Variants in OSGIN2 observed in about 807,000 individuals in gnomAD.
OSGIN2 encodes oxidative stress induced growth inhibitor family member 2, also known as oxidative stress-induced growth inhibitor 2.
A neutral mutation model predicts 53.8 loss-of-function variants in OSGIN2; 19 were observed. The ratio of observed to expected loss-of-function variants is 0.35; its 90% confidence interval spans 0.25 to 0.52. The LOEUF (loss-of-function observed/expected upper bound fraction) is 0.52. Ranked by LOEUF, OSGIN2 falls within the 20% of genes least tolerant of loss-of-function variation. The pLI is 0.95. For synonymous variants in OSGIN2, 236 were observed against 236.0 expected, an observed-to-expected ratio of 1.00 and a Z score of 0.00; for missense variants, 520 against 662.7, an observed-to-expected ratio of 0.78 and a Z score of 2.36.
chr8:89,902,769 T>G lies in OSGIN2; in HGVS notation c.-25T>G. 3.3e-6 allele frequency: 4 copies of G among 1,225,490 alleles called. No homozygotes were observed. Among genetic ancestry groups the G allele is most frequent in the East Asian group, 3.3e-5 (1 of 30,414 alleles). The allele number at this position is 1,225,490 out of a possible 1,614,324, so 75.9% of individuals were successfully genotyped here. A position where few individuals can be genotyped will look rare whatever the true frequency, so the allele number is the denominator to read the frequency against. On this transcript the variant is annotated 5_prime_UTR_variant, in exon 1 of 6. Transcript: ENST00000451899. ...GCGGAGGCGGCCACGGCGGCCGCGC[T>G]CGGGCGCCCCTCGCGCAGCGCTCCA... is the stretch of plus-strand genomic sequence containing the variant.
chr8:89,913,208 T>A (rs979621222), intron 2 of OSGIN2, among the ~76,000 whole-genome samples: 2 of 152,220 alleles, frequency 1.3e-5, no homozygotes, highest in Non-Finnish European at 2.9e-5. Flanking sequence ...TGGCCTTTCA[T>A]TAGTTTTAGA....
intron 4 of OSGIN2, among the ~76,000 whole-genome samples, chr8:89,915,429 A>G (rs1809057185): frequency 1.3e-5 from 2 of 152,164 alleles, no homozygotes; most frequent in African/African-American, 2.4e-5. Flanking sequence ...CCCATCTCCA[A>G]AAGCATCACA....
chr8:89,914,293 G>A, intron 3 of OSGIN2, 80 bp downstream of exon 3: 1 of 1,006,886 alleles, frequency 9.9e-7, no homozygotes, highest in Non-Finnish European at 1.5e-6. Context: ...AACTTTCTTA[G>A]TTGAAACCCC....
At chr8:89,916,489 T>G (rs536145842) in intron 4 of OSGIN2, among the ~76,000 whole-genome samples, 12 of 152,336 alleles carry the variant, frequency 7.9e-5, no homozygotes, top group South Asian at 4.1e-4. Context: ...ATTCCATATC[T>G]TAATCTTACT....
chr8:89,914,416 T>A, intron 3 of OSGIN2, 139 bp from the exon 4 acceptor site: 1 of 712,096 alleles, frequency 1.4e-6, no homozygotes, highest in Non-Finnish European at 2.3e-6. Flanking sequence ...AATTATTTTC[T>A]AATGGAGATT....
At chr8:89,924,412 A>G (rs1809270841) in intron 5 of OSGIN2, 91 bp from the exon 6 acceptor site, 4 of 892,554 alleles carry the variant, frequency 4.5e-6, no homozygotes, top group Non-Finnish European at 7.0e-6. Flanking sequence ...GCAGAATTAA[A>G]AAGCTATAAA....
rs1254556508 is a variant in OSGIN2 at position 89,925,852 on chromosome 8, G to A, written c.*320G>A. 3 of 252,052 alleles carry A rather than the reference G, an allele frequency of 1.2e-5. No individual in the cohort carries two copies. Among genetic ancestry groups the A allele is most frequent in the Non-Finnish European group, 1.6e-5 (2 of 128,886 alleles). The allele number at this position is 252,052 out of a possible 1,614,324, so 15.6% of individuals were successfully genotyped here. A position where few individuals can be genotyped will look rare whatever the true frequency, so the allele number is the denominator to read the frequency against. On this transcript the variant is annotated 3_prime_UTR_variant, in exon 6 of 6. Transcript: ENST00000451899. The stretch of plus-strand genomic sequence containing the variant: ...ATTTATTATACTTGATTCCAAAATA[G>A]TACAGCCTTGAATCTATAAAACTGT...
intron 4 of OSGIN2, among the ~76,000 whole-genome samples, chr8:89,917,820 A>C (rs1304466110): frequency 1.3e-5 from 2 of 152,144 alleles, no homozygotes; most frequent in African/African-American, 4.8e-5. Flanking sequence ...ATTACTACTA[A>C]GGCTCACCTT....
At chr8:89,909,963 C>T (rs1370665476) in intron 2 of OSGIN2, among the ~76,000 whole-genome samples, 1 of 152,084 alleles carries the variant, frequency 6.6e-6, no homozygotes, top group Non-Finnish European at 1.5e-5. Flanking sequence ...TAAAATATCT[C>T]CTACATTTGT....
intron 5 of OSGIN2, among the ~76,000 whole-genome samples, chr8:89,922,762 G>A (rs1056061238): frequency 1.3e-5 from 2 of 152,090 alleles, no homozygotes; most frequent in Non-Finnish European, 2.9e-5. Flanking sequence ...GAATTGTGTC[G>A]TTAGGTGATT....
chr8:89,920,575 T>A (rs1183069223), intron 4 of OSGIN2, among the ~76,000 whole-genome samples: 4 of 152,212 alleles, frequency 2.6e-5, no homozygotes, highest in Non-Finnish European at 5.9e-5. Flanking sequence ...GATGCTGCTG[T>A]ATCCACATCA....
rs545332359 is a variant in OSGIN2, at chr8:89,917,615, G to C, written c.528+2869G>C. Among the ~76,000 whole-genome samples, 63 of 152,128 alleles carry C rather than the reference G, an allele frequency of 4.1e-4. 1 individual carries two copies. In the South Asian group the frequency reaches 0.013, roughly 31 times the overall value. ...GGGCCAAAACACTACTATAACCTTT[G>C]ATATTTCCTTATTAACTTCTTTTCA... On this transcript the variant is annotated intron_variant, in intron 4 of 5. Transcript: ENST00000451899.
At chr8:89,920,281 C>T (rs1258420916) in intron 4 of OSGIN2, among the ~76,000 whole-genome samples, 1 of 151,766 alleles carries the variant, frequency 6.6e-6, no homozygotes, top group Non-Finnish European at 1.5e-5. Flanking sequence ...AGTAAGTACT[C>T]TGTGAAAGTC....
chr8:89,902,967 G>A, intron 1 of OSGIN2, 130 bp downstream of exon 1: 1 of 446,166 alleles, frequency 2.2e-6, no homozygotes, highest in East Asian at 4.6e-5. Flanking sequence ...CGCCTCGGCC[G>A]TCCTGCCTGG....
intron 1 of OSGIN2, 43 bp downstream of exon 1, chr8:89,902,880 C>T (rs1420258883): frequency 7.6e-7 from 1 of 1,313,594 alleles, no homozygotes; most frequent in East Asian, 3.1e-5. Flanking sequence ...GGCGGGGATG[C>T]CGCGCTCTCG....
chr8:89,910,856 G>A (rs1002122999), intron 2 of OSGIN2, among the ~76,000 whole-genome samples: 1 of 152,198 alleles, frequency 6.6e-6, no homozygotes, highest in Non-Finnish European at 1.5e-5. Flanking sequence ...TTAGCCTCAT[G>A]TATATTTATA....
At chr8:89,905,794 C>T (rs1808827290) in intron 1 of OSGIN2, among the ~76,000 whole-genome samples, 1 of 152,172 alleles carries the variant, frequency 6.6e-6, no homozygotes. Context: ...TGCTTGAGGG[C>T]TGCACATGCA....
At chr8:89,917,123 A>G (rs1274948370) in intron 4 of OSGIN2, among the ~76,000 whole-genome samples, 1 of 152,116 alleles carries the variant, frequency 6.6e-6, no homozygotes, top group Non-Finnish European at 1.5e-5. Context: ...TTTTACCTCT[A>G]CAAACATGAC....
chr8:89,914,452 G>A, intron 3 of OSGIN2, 103 bp from the exon 4 acceptor site: 1 of 840,148 alleles, frequency 1.2e-6, no homozygotes, highest in Admixed American at 2.7e-5. Context: ...GGTCAAGTTG[G>A]GGGTACTGCT....
Sources: allele counts gnomAD v4.1 joint callset (sites outside exome capture counted in the v4.1 genomes callset), GRCh38; gene constraint gnomAD v4.1.1; transcripts MANE v1.5; gene names NCBI Gene and HGNC (gene_info 2026-07-23, HGNC 2026-07-21).